Variants in SLC45A4 observed in about 807,000 individuals in gnomAD.
SLC45A4 encodes solute carrier family 45 member 4, also known as polyamine-transporter SLC45A4.
A neutral mutation model predicts 63.7 loss-of-function variants in SLC45A4; 32 were observed. That is an observed-to-expected ratio of 0.50 (90% CI 0.38 to 0.67). The LOEUF (loss-of-function observed/expected upper bound fraction) is 0.67, where lower values mean the gene tolerates loss of function less well. SLC45A4 is among the 30% of genes least tolerant of loss of function. SLC45A4 has a pLI of 0.00. For missense variants in SLC45A4, 1,027 were observed against 1,157.7 expected (o/e 0.89, Z 1.64); for synonymous variants, 535 against 510.0 (o/e 1.05, Z -0.66).
At chr8:141,232,700 C>T (rs1336637511) in intron 2 of SLC45A4, among the ~76,000 whole-genome samples, 4 of 146,192 alleles carry the variant, frequency 2.7e-5, no homozygotes, top group African/African-American at 7.7e-5. Flanking sequence ...CCAGCTGCAA[C>T]GGGAACACAG....
intron 2 of SLC45A4, among the ~76,000 whole-genome samples, chr8:141,250,530 T>A (rs1447991723): frequency 6.6e-6 from 1 of 151,914 alleles, no homozygotes; most frequent in Non-Finnish European, 1.5e-5. Context: ...TGATTACAGG[T>A]GTGCACCACC....
At position 141,278,500 on chromosome 8, in the gene SLC45A4, G is replaced by A. The variant is rs1415603832; in HGVS notation, c.-400-23871C>T. 3.3e-5 allele frequency: 5 copies of A among 152,100 alleles called. No individual in the cohort carries two copies. The highest frequency in any genetic ancestry group is 1.2e-4 in the African/African-American group (5 of 41,304). 9.4% of individuals were successfully genotyped at this position (152,100 alleles called of 1,614,324 possible). ...GGCGGGACAGGGGTGAGCACCTGTG[G>A]TGGAGGCGGGGCGGGCGGCCGACCC... On this transcript the variant is annotated intron_variant, in intron 1 of 8. Coordinates refer to ENST00000517878, the MANE Select transcript of SLC45A4 (RefSeq NM_001286646.2). This position sits in a 1 kb window ranked among gnomAD's most constrained non-coding sequence, Gnocchi z 4.1.
chr8:141,257,566 C>A (rs572034847), intron 1 of SLC45A4, among the ~76,000 whole-genome samples: 2 of 152,196 alleles, frequency 1.3e-5, no homozygotes, highest in Non-Finnish European at 2.9e-5. Flanking sequence ...GAAGTGAAGC[C>A]GTCTCTGTTC....
At chr8:141,249,078 C>A (rs1359412239) in intron 2 of SLC45A4, among the ~76,000 whole-genome samples, 1 of 151,450 alleles carries the variant, frequency 6.6e-6, no homozygotes, top group Non-Finnish European at 1.5e-5. Flanking sequence ...GGTTCACACC[C>A]ACTTCGATGA....
intron 7 of SLC45A4, among the ~76,000 whole-genome samples, chr8:141,213,735 G>T (rs1301201848): frequency 6.6e-6 from 1 of 152,214 alleles, no homozygotes; most frequent in Non-Finnish European, 1.5e-5. Context: ...GGACTAAGAC[G>T]CCGAAAGTTC....
At chr8:141,239,441 A>ATTGC (rs1827793655) in intron 2 of SLC45A4, among the ~76,000 whole-genome samples, 1 of 152,216 alleles carries the variant, frequency 6.6e-6, no homozygotes, top group Admixed American at 6.5e-5. Flanking sequence ...AGGCAAGGGA[A>ATTGC]TTGCAACACA....
chr8:141,267,266 G>C (rs187209713), intron 1 of SLC45A4, among the ~76,000 whole-genome samples: 2 of 152,234 alleles, frequency 1.3e-5, no homozygotes, highest in Non-Finnish European at 2.9e-5. Flanking sequence ...CTGGGAAGCC[G>C]GCAGACCACC....
At chr8:141,291,492 C>CA (rs1029849702) in intron 1 of SLC45A4, among the ~76,000 whole-genome samples, 3 of 152,170 alleles carry the variant, frequency 2.0e-5, no homozygotes, top group Non-Finnish European at 4.4e-5. Context: ...CAAATAGAAA[C>CA]AAAGGAAAAT....
At chr8:141,264,759 C>T (rs1161494845) in intron 1 of SLC45A4, among the ~76,000 whole-genome samples, 1 of 152,162 alleles carries the variant, frequency 6.6e-6, no homozygotes, top group Non-Finnish European at 1.5e-5. Context: ...ATTGTTTTCT[C>T]CTAATTAACC....
At chr8:141,228,421 C>T (rs769587656) in intron 2 of SLC45A4, 9 of 1,423,666 alleles carry the variant, frequency 6.3e-6, no homozygotes, top group South Asian at 2.9e-5. Flanking sequence ...AGAAAGCCAG[C>T]GGGAACATTC....
intron 1 of SLC45A4, among the ~76,000 whole-genome samples, chr8:141,261,604 G>T (rs1333965725): frequency 6.6e-6 from 1 of 152,136 alleles, no homozygotes; most frequent in Non-Finnish European, 1.5e-5. Flanking sequence ...GCCAAATCAT[G>T]AGTGACCCCC....
chr8:141,244,952 G>A (rs1257044837), intron 2 of SLC45A4, among the ~76,000 whole-genome samples: 1 of 101,842 alleles, frequency 9.8e-6, no homozygotes, highest in Non-Finnish European at 2.3e-5. Flanking sequence ...GCAAGAAGAC[G>A]TGGGTGGGGG....
At chr8:141,297,621 G>A (rs1397241122) in intron 1 of SLC45A4, among the ~76,000 whole-genome samples, 1 of 152,206 alleles carries the variant, frequency 6.6e-6, no homozygotes, top group Admixed American at 6.5e-5. Flanking sequence ...GGCTGCTGCA[G>A]AGATGGCACG....
intron 1 of SLC45A4, among the ~76,000 whole-genome samples, chr8:141,267,799 GCACGGACAA>G (rs1247451380): frequency 6.7e-6 from 1 of 149,488 alleles, no homozygotes; most frequent in African/African-American, 2.6e-5. Flanking sequence ...AAAGCTTAGG[GCACGGACAA>G]CACCAAAAGC....
chr8:141,253,956 C>T (rs1362191944), intron 2 of SLC45A4, 33 bp downstream of exon 2: 16 of 1,533,660 alleles, frequency 1.0e-5, no homozygotes, highest in African/African-American at 5.5e-5. Flanking sequence ...CTCCGCTCAG[C>T]GTTCACTGCG....
At chr8:141,222,274 G>A (rs565792321) in intron 2 of SLC45A4, among the ~76,000 whole-genome samples, 3 of 152,350 alleles carry the variant, frequency 2.0e-5, no homozygotes, top group Non-Finnish European at 4.4e-5. Context: ...AGACCTCACT[G>A]GCTGAAAATG....
chr8:141,283,271 C>T (rs754142048), intron 1 of SLC45A4, among the ~76,000 whole-genome samples: 20 of 152,192 alleles, frequency 1.3e-4, no homozygotes, highest in Admixed American at 9.8e-4. Flanking sequence ...GCAGCCTCTG[C>T]GAACATGAGG....
chr8:141,246,296 G>C (rs531893173), intron 2 of SLC45A4, among the ~76,000 whole-genome samples: 1 of 152,306 alleles, frequency 6.6e-6, no homozygotes, highest in Admixed American at 6.5e-5. Context: ...ACCACCCAGC[G>C]GCACCGAGCA....
intron 1 of SLC45A4, among the ~76,000 whole-genome samples, chr8:141,280,001 C>T (rs1005623274): frequency 6.6e-6 from 1 of 152,254 alleles, no homozygotes. Flanking sequence ...GAACCAGCGG[C>T]AGCAGCGGCG....
Sources: allele counts gnomAD v4.1 joint callset (sites outside exome capture counted in the v4.1 genomes callset), GRCh38; gene constraint gnomAD v4.1.1; non-coding constraint Gnocchi (gnomAD v3.1); transcripts MANE v1.5; gene names NCBI Gene and HGNC (gene_info 2026-07-23, HGNC 2026-07-21).